Variants in SCARA5 observed in about 807,000 individuals in gnomAD.
The protein encoded by SCARA5 is scavenger receptor class A, member 5 (putative).
Under a neutral mutation model 46.3 loss-of-function variants are expected in SCARA5, and 45 were observed. That is an observed-to-expected ratio of 0.97 (90% CI 0.76 to 1.24). The LOEUF (loss-of-function observed/expected upper bound fraction) is 1.24, where lower values mean the gene tolerates loss of function less well. Ranked by LOEUF, SCARA5 falls within the 50% of genes most tolerant of loss-of-function variation. The probability of loss-of-function intolerance (pLI) is 0.00; values close to 1 mark genes in which losing one functional copy is unlikely to be tolerated. For synonymous variants in SCARA5, 333 were observed against 306.5 expected (o/e 1.09, Z -0.90); for missense variants, 680 against 689.0 (o/e 0.99, Z 0.15).
intron 4 of SCARA5, among the ~76,000 whole-genome samples, chr8:27,919,605 C>T (rs1807549287): frequency 1.3e-5 from 2 of 152,010 alleles, no homozygotes. Flanking sequence ...GCTCACTGGC[C>T]TCTGCAGCAG....
intron 7 of SCARA5, among the ~76,000 whole-genome samples, chr8:27,902,108 G>A (rs112788067): frequency 0.022 from 3,276 of 152,262 alleles, 48 homozygotes; most frequent in African/African-American, 0.04. Flanking sequence ...TGGGGGTGGG[G>A]GTCTTGTCAG....
intron 3 of SCARA5, among the ~76,000 whole-genome samples, chr8:27,956,078 A>C (rs1240570845): frequency 6.6e-6 from 1 of 152,192 alleles, no homozygotes; most frequent in East Asian, 1.9e-4. Flanking sequence ...GAGAAGGTGG[A>C]ATTCTGGCGA....
intron 3 of SCARA5, among the ~76,000 whole-genome samples, chr8:27,954,408 C>T (rs1301050103): frequency 6.6e-6 from 1 of 152,152 alleles, no homozygotes; most frequent in African/African-American, 2.4e-5. Context: ...CTCTAAATTC[C>T]CCTCCATCCT....
chr8:27,945,270 T>A (rs1162162092), intron 3 of SCARA5, among the ~76,000 whole-genome samples: 4 of 151,966 alleles, frequency 2.6e-5, no homozygotes, highest in African/African-American at 9.7e-5. Context: ...TGAACGTAAC[T>A]TTGATCACGA....
At chr8:27,872,483 C>T (rs925796746) in intron 8 of SCARA5, among the ~76,000 whole-genome samples, 1 of 152,320 alleles carries the variant, frequency 6.6e-6, no homozygotes, top group Non-Finnish European at 1.5e-5. Flanking sequence ...AACTAAGTGG[C>T]TTGAACATAT....
At chr8:27,963,529 T>C (rs1207517888) in intron 3 of SCARA5, among the ~76,000 whole-genome samples, 2 of 152,152 alleles carry the variant, frequency 1.3e-5, no homozygotes, top group Non-Finnish European at 2.9e-5. Flanking sequence ...AGTGCCAGCA[T>C]GGGATTATTG....
At chr8:27,962,522 C>T (rs780486193) in intron 3 of SCARA5, among the ~76,000 whole-genome samples, 1 of 152,180 alleles carries the variant, frequency 6.6e-6, no homozygotes, top group Non-Finnish European at 1.5e-5. Context: ...TGGCATTATG[C>T]TCCTATTCCC....
intron 7 of SCARA5, chr8:27,903,801 C>CG (rs143494520): frequency 0.55 from 82,917 of 151,724 alleles, 23,515 homozygotes; most frequent in Non-Finnish European, 0.63. Context: ...CCTGAGTGTC[C>CG]GGGGGGAAGC....
chr8:27,897,440 C>G (rs985920846), intron 7 of SCARA5, among the ~76,000 whole-genome samples: 1 of 152,264 alleles, frequency 6.6e-6, no homozygotes, highest in Non-Finnish European at 1.5e-5. Flanking sequence ...AAAAACTTTT[C>G]TTTGTTCAAA....
chr8:27,985,696 C>A (rs899808458), intron 2 of SCARA5, among the ~76,000 whole-genome samples: 2 of 152,132 alleles, frequency 1.3e-5, no homozygotes, highest in African/African-American at 4.8e-5. Context: ...CACTGAGGCC[C>A]ACAGAGGCCC....
At chr8:27,979,550 CCTGA>C (rs1443978305) in intron 2 of SCARA5, among the ~76,000 whole-genome samples, 1 of 151,484 alleles carries the variant, frequency 6.6e-6, no homozygotes, top group Non-Finnish European at 1.5e-5. Context: ...GCAGAGCCTG[CCTGA>C]CTTTTTTTTT....
chr8:27,953,368 C>T (rs1023043712), intron 3 of SCARA5, among the ~76,000 whole-genome samples: 2 of 152,250 alleles, frequency 1.3e-5, no homozygotes. Context: ...CTGCACTTGC[C>T]AGCTGTGTAT....
chr8:27,932,168 T>C (rs1004222332), intron 3 of SCARA5, among the ~76,000 whole-genome samples: 2 of 152,020 alleles, frequency 1.3e-5, no homozygotes, highest in Admixed American at 6.6e-5. Flanking sequence ...TGTGTAGAGA[T>C]GGGGTTTCAC....
intron 2 of SCARA5, among the ~76,000 whole-genome samples, chr8:27,982,243 G>A (rs926415839): frequency 1.3e-5 from 2 of 152,060 alleles, no homozygotes; most frequent in Admixed American, 6.5e-5. Flanking sequence ...TCTGGCCCTC[G>A]GAAAGTGCTG....
chr8:27,928,784 GC>G (rs1233961467), intron 3 of SCARA5, among the ~76,000 whole-genome samples: 1 of 151,952 alleles, frequency 6.6e-6, no homozygotes, highest in African/African-American at 2.4e-5. Context: ...TCCTACCTCA[GC>G]CTCCTGAGTA....
At chr8:27,963,362 G>A (rs756218527) in intron 3 of SCARA5, among the ~76,000 whole-genome samples, 15 of 152,152 alleles carry the variant, frequency 9.9e-5, no homozygotes, top group East Asian at 1.9e-4. Context: ...AAAATGAATC[G>A]GGAACAGAAT....
rs775886089 is a variant in SCARA5 at position 27,921,737 on chromosome 8, C to G, written c.750G>C (p.Val250=). 6.3e-7 allele frequency: 1 copy of G among 1,589,460 alleles called. No homozygotes were observed. The change falls in exon 4 of 9, where the codon GTG becomes GTC. Residue 250 remains valine (V), a synonymous_variant. Transcript: ENST00000354914. Reference sequence around the variant, plus strand: ...TGTCCTCGCTGGCGTTGCTCACCAGCACCCGCAGGTCCTGCAGCCGCGTGC... The same window carrying G: ...TGTCCTCGCTGGCGTTGCTCACCAGGACCCGCAGGTCCTGCAGCCGCGTGC... ...LHRTRLQDLR[V]LVSNASEDTR...
intron 7 of SCARA5, among the ~76,000 whole-genome samples, chr8:27,883,865 C>A (rs982038606): frequency 6.6e-6 from 1 of 152,118 alleles, no homozygotes; most frequent in African/African-American, 2.4e-5. Flanking sequence ...CTAATAAGCG[C>A]GGCACTCCTG....
chr8:27,971,581 G>C (rs1298806374), intron 2 of SCARA5, among the ~76,000 whole-genome samples: 1 of 152,116 alleles, frequency 6.6e-6, no homozygotes, highest in African/African-American at 2.4e-5. Context: ...GACAACAACA[G>C]GAAGAAGAAA....
Sources: allele counts gnomAD v4.1 joint callset (sites outside exome capture counted in the v4.1 genomes callset), GRCh38; gene constraint gnomAD v4.1.1; transcripts MANE v1.5; gene names NCBI Gene and HGNC (gene_info 2026-07-23, HGNC 2026-07-21).